CCPG1: variants seen among roughly 807,000 people sequenced by gnomAD.
CCPG1 encodes cell cycle progression 1.
CCPG1 carries 46 observed loss-of-function variants against 81.3 expected under a neutral mutation model. That is an observed-to-expected ratio of 0.57 (90% CI 0.45 to 0.72). CCPG1 has a LOEUF of 0.72. Ranked by LOEUF, CCPG1 falls within the 30% of genes least tolerant of loss-of-function variation. The pLI is 0.00. For missense variants in CCPG1, 902 were observed against 937.6 expected (o/e 0.96, Z 0.50); for synonymous variants, 330 against 305.2 (o/e 1.08, Z -0.85).
chr15:55,400,933 T>C (rs2057117555), intron 1 of CCPG1, among the ~76,000 whole-genome samples: 1 of 152,220 alleles, frequency 6.6e-6, no homozygotes, highest in African/African-American at 2.4e-5. Context: ...TTAAAGTATC[T>C]TTATTATGTT....
rs1192646750 is a variant in CCPG1, at chr15:55,396,691, G to C, written c.-9-7258C>G. Reference sequence around the variant, plus strand: ...TTATTCTGGGATAGATTTATGCTGGGATAGAGAAGCTTAACTCTAAAAACG... The same window carrying C: ...TTATTCTGGGATAGATTTATGCTGGCATAGAGAAGCTTAACTCTAAAAACG... On this transcript the variant is annotated intron_variant, in intron 1 of 8. Transcript: ENST00000442196. Among the ~76,000 whole-genome samples the C allele has an allele frequency of 3.3e-5, 5 of 152,206 alleles. No homozygotes were observed. The East Asian group carries it at 9.6e-4, about 29-fold the overall frequency.
At chr15:55,390,233 T>C (rs2141317256) in intron 1 of CCPG1, among the ~76,000 whole-genome samples, 1 of 152,296 alleles carries the variant, frequency 6.6e-6, no homozygotes, top group East Asian at 1.9e-4. Context: ...TCAAACTGTT[T>C]TTATGAAAAT....
chr15:55,372,021 C>T lies in CCPG1; in HGVS notation c.478G>A (p.Asp160Asn), dbSNP rs780137117. The part of the protein sequence containing the change: ...ETVFSSQPSD[D>N]ESSSDETSNQ... ...CTGGTTTCATCACTACTTGATTCAT[C>T]GTCACTAGGCTGAGATGAAAATACT... Residue 160 changes from aspartate to asparagine, a missense_variant, in exon 6 of 9, where the codon GAT becomes AAT. Coordinates refer to ENST00000442196, the MANE Select transcript of CCPG1 (RefSeq NM_001204450.2). 18 of 1,613,734 alleles carry T rather than the reference C, an allele frequency of 1.1e-5. No individual in the cohort carries two copies. The highest frequency in any genetic ancestry group is 1.3e-5 in the Non-Finnish European group (15 of 1,179,726).
intron 8 of CCPG1, chr15:55,356,982 T>G: frequency 1.0e-6 from 1 of 985,606 alleles, no homozygotes; most frequent in Non-Finnish European, 1.2e-6. Flanking sequence ...TTATTCCTTT[T>G]ACTTGAGATG....
chr15:55,393,181 T>TG (rs2056955474), intron 1 of CCPG1, among the ~76,000 whole-genome samples: 1 of 152,156 alleles, frequency 6.6e-6, no homozygotes. Context: ...CTTGCACCTG[T>TG]AACAGCACTT....
At chr15:55,378,697 G>C (rs771790189) in intron 3 of CCPG1, among the ~76,000 whole-genome samples, 3 of 151,418 alleles carry the variant, frequency 2.0e-5, no homozygotes, top group Non-Finnish European at 2.9e-5. Flanking sequence ...TCTGCCTCCT[G>C]GGTTCAAGTG....
At chr15:55,383,781 G>A (rs1035503586) in intron 3 of CCPG1, among the ~76,000 whole-genome samples, 2 of 152,166 alleles carry the variant, frequency 1.3e-5, no homozygotes, top group South Asian at 4.1e-4. Context: ...ACCACTCTTA[G>A]CCTTCATAGA....
At chr15:55,407,864 G>T (rs2057267709) in intron 1 of CCPG1, 1 of 152,582 alleles carries the variant, frequency 6.6e-6, no homozygotes, top group African/African-American at 2.4e-5. Flanking sequence ...ATTTTCATCA[G>T]TCCAGACCGA....
In CCPG1 at chr15:55,359,601, C is replaced by T. The variant is rs1214260754; in HGVS notation, c.2172G>A (p.Lys724=). 6.2e-6 allele frequency: 10 copies of T among 1,613,120 alleles called. 1 individual carries two copies. Among genetic ancestry groups the T allele is most frequent in the Non-Finnish European group, 8.5e-6 (10 of 1,179,744 alleles). Residue 724 remains lysine, a synonymous_variant, in exon 8 of 9, where the codon AAG becomes AAA. Transcript: ENST00000442196. ...YEVDNDGVFE[K]LDEYIYRHFF... ...AGTGTCTATATATATATTCATCCAACTTCTCAAATACTCCATCATTATCTA... is the reference window on the plus strand; with the variant it reads ...AGTGTCTATATATATATTCATCCAATTTCTCAAATACTCCATCATTATCTA...
chr15:55,372,719 A>C (rs1396932750), intron 5 of CCPG1: 1 of 261,788 alleles, frequency 3.8e-6, no homozygotes, highest in Non-Finnish European at 7.6e-6. Context: ...TGGAAAGAAA[A>C]AAAATACTCT....
chr15:55,373,467 C>T (rs2056496412), intron 5 of CCPG1, among the ~76,000 whole-genome samples: 1 of 152,184 alleles, frequency 6.6e-6, no homozygotes, highest in South Asian at 2.1e-4. Context: ...CACTTTCACA[C>T]TTACAACAAT....
In CCPG1 at chr15:55,360,185, T is replaced by C. The variant is rs1248834560; in HGVS notation, c.1588A>G (p.Lys530Glu). 1.2e-6 allele frequency: 2 copies of C among 1,613,322 alleles called. No homozygotes were observed. The highest frequency in any genetic ancestry group is 2.7e-5 in the African/African-American group (2 of 74,824). The change falls in exon 8 of 9, where the codon AAA becomes GAA. Residue 530 changes from lysine (K) to glutamate (E), a missense_variant. Coordinates refer to ENST00000442196, the MANE Select transcript of CCPG1 (RefSeq NM_001204450.2). ...ENLKKFSDSV[K>E]STFRHFKDTT... Reference sequence around the variant, plus strand: ...TCTTTAAAGTGTCTGAAAGTGGATTTAACTGAATCTGAGAATTTTTTCAGA... The same window carrying C: ...TCTTTAAAGTGTCTGAAAGTGGATTCAACTGAATCTGAGAATTTTTTCAGA...
In CCPG1 at chr15:55,377,026, T is replaced by C; in HGVS notation, c.377A>G (p.Glu126Gly). The C allele has an allele frequency of 6.2e-7, 1 of 1,613,962 alleles. No homozygotes were observed. Among genetic ancestry groups the C allele is most frequent in the Non-Finnish European group, 8.5e-7 (1 of 1,179,960 alleles). Residue 126 changes from glutamate to glycine, a missense_variant, in exon 5 of 9, where the codon GAA becomes GGA. By Grantham distance (98) the Glu-to-Gly change is moderately conservative. Transcript: ENST00000442196. ...EIGNQEVVIVEEAQSSEDFNM... is the reference protein window; with the variant it reads ...EIGNQEVVIVGEAQSSEDFNM... ...AAAGTCTTCTGAACTCTGTGCTTCT[T>C]CAACAATGACAACTTCTTGATTTCC...
rs1488722540 is a variant in CCPG1 at position 55,376,954 on chromosome 15, TCTGGCTGACAGAAAGTATA to T, written c.430_448del (p.Tyr144LysfsTer45). On this transcript the variant is annotated frameshift_variant, in exon 5 of 9. Transcript: ENST00000442196. LOFTEE classifies it high-confidence loss of function. ...TCTTATCAGTGTATTCTTACCAGTT[TCTGGCTGACAGAAAGTATA>T]CTGGCTGCTAGAGGAAGAGCCCATG... 1.2e-6 allele frequency: 2 copies of T among 1,611,704 alleles called. No individual in the cohort carries two copies. The highest frequency in any genetic ancestry group is 1.7e-6 in the Non-Finnish European group (2 of 1,178,816).
At chr15:55,389,059 ACT>A (rs1417072141) in intron 2 of CCPG1, among the ~76,000 whole-genome samples, 1 of 108,474 alleles carries the variant, frequency 9.2e-6, no homozygotes, top group African/African-American at 4.0e-5. Flanking sequence ...ACAGAGTGAG[ACT>A]CTGTCTCAAA....
At chr15:55,389,467 A>G in intron 1 of CCPG1, 34 bp from the exon 2 acceptor site, 1 of 1,471,888 alleles carries the variant, frequency 6.8e-7, no homozygotes, top group Non-Finnish European at 9.5e-7. Flanking sequence ...CTCATGAGAC[A>G]CATTTTTTTT....
chr15:55,398,386 T>C (rs1289059830), intron 1 of CCPG1: 1 of 152,184 alleles, frequency 6.6e-6, no homozygotes, highest in Non-Finnish European at 1.5e-5. Flanking sequence ...CAATAGGCTA[T>C]AGGCAAAGGC....
At chr15:55,398,379 T>C (rs981507484) in intron 1 of CCPG1, 3 of 152,108 alleles carry the variant, frequency 2.0e-5, no homozygotes, top group South Asian at 2.1e-4. Flanking sequence ...AGGCAACCAA[T>C]AGGCTATAGG....
chr15:55,357,675 C>G (rs2056109915), intron 8 of CCPG1: 2 of 152,614 alleles, frequency 1.3e-5, no homozygotes. Flanking sequence ...CATGGTGAAA[C>G]CCCATCTCTA....
Sources: allele counts gnomAD v4.1 joint callset (sites outside exome capture counted in the v4.1 genomes callset), GRCh38; gene constraint gnomAD v4.1.1; transcripts MANE v1.5; gene names NCBI Gene and HGNC (gene_info 2026-07-23, HGNC 2026-07-21).